Variants in ADORA1 observed in about 807,000 individuals in gnomAD.
ADORA1 encodes the protein adenosine A1 receptor, also known as adenosine receptor A1.
In ADORA1, 6 loss-of-function variants were observed where a neutral mutation model predicts 19.9. The observed-to-expected ratio is 0.30, with a 90% confidence interval of 0.17 to 0.59. The LOEUF (loss-of-function observed/expected upper bound fraction) is 0.59, where lower values mean the gene tolerates loss of function less well. Among genes scored for constraint, ADORA1 ranks in the 20% least tolerant of loss-of-function variants. The pLI is 0.87. For synonymous variants in ADORA1, 194 were observed against 188.4 expected, an observed-to-expected ratio of 1.03 and a Z score of -0.24; for missense variants, 302 against 439.2, an observed-to-expected ratio of 0.69 and a Z score of 2.79.
intron 3 of ADORA1, among the ~76,000 whole-genome samples, chr1:203,144,271 C>A: frequency 6.6e-6 from 1 of 152,248 alleles, no homozygotes; most frequent in Middle Eastern, 3.4e-3. Flanking sequence ...ATTGCACTGG[C>A]GTGTGAGCAA....
intron 3 of ADORA1, among the ~76,000 whole-genome samples, chr1:203,135,316 A>T (rs1037555542): frequency 1.3e-5 from 2 of 152,172 alleles, no homozygotes; most frequent in Non-Finnish European, 2.9e-5. Context: ...TGTTATGAAA[A>T]ATGCTTTACT....
intron 3 of ADORA1, among the ~76,000 whole-genome samples, chr1:203,132,286 GT>G: frequency 6.6e-6 from 1 of 152,142 alleles, no homozygotes; most frequent in African/African-American, 2.4e-5. Context: ...AGCTTTCTTG[GT>G]GGCAATTTGG....
rs141576304 is a variant in ADORA1 at position 203,136,648 on chromosome 1, G to A, written c.341+7466G>A. Reference sequence around the variant, plus strand: ...AACTCTCACCCCACCTGTGGTGGGAGTGGGGATGGCAGGAGACTGGCAGCT... The same window carrying A: ...AACTCTCACCCCACCTGTGGTGGGAATGGGGATGGCAGGAGACTGGCAGCT... On this transcript the variant is annotated intron_variant, in intron 3 of 3. Coordinates refer to ENST00000337894, the MANE Select transcript of ADORA1 (RefSeq NM_000674.3). 3.9e-5 allele frequency among the ~76,000 whole-genome samples: 6 copies of A among 152,282 alleles called. No homozygotes were observed. The East Asian group carries it at 1.2e-3, about 29-fold the overall frequency.
intron 3 of ADORA1, among the ~76,000 whole-genome samples, chr1:203,158,067 AAC>A (rs766005374): frequency 2.6e-5 from 4 of 152,294 alleles, no homozygotes; most frequent in South Asian, 4.1e-4. Flanking sequence ...TTCTCTCCTG[AAC>A]ACACTTTTTA....
At chr1:203,146,191 A>G (rs1452669971) in intron 3 of ADORA1, among the ~76,000 whole-genome samples, 2 of 152,164 alleles carry the variant, frequency 1.3e-5, no homozygotes, top group African/African-American at 4.8e-5. Context: ...CATGTTGGGC[A>G]TCTCCTCAAT....
At chr1:203,135,206 G>A (rs1558127530) in intron 3 of ADORA1, among the ~76,000 whole-genome samples, 1 of 152,128 alleles carries the variant, frequency 6.6e-6, no homozygotes, top group Non-Finnish European at 1.5e-5. Context: ...CACAGAGCAG[G>A]CATGCCGGAA....
At chr1:203,153,732 A>G (rs574040973) in intron 3 of ADORA1, among the ~76,000 whole-genome samples, 2 of 152,238 alleles carry the variant, frequency 1.3e-5, no homozygotes, top group South Asian at 2.1e-4. Context: ...CCCCTGGGCA[A>G]TGTTACTGTT....
At chr1:203,162,747 A>T (rs1239317993) in intron 3 of ADORA1, among the ~76,000 whole-genome samples, 1 of 152,130 alleles carries the variant, frequency 6.6e-6, no homozygotes, top group Non-Finnish European at 1.5e-5. Flanking sequence ...TAATTTATGA[A>T]ATGGGGATTC....
intron 3 of ADORA1, chr1:203,150,528 C>T: frequency 8.9e-7 from 1 of 1,127,338 alleles, no homozygotes; most frequent in Non-Finnish European, 1.2e-6. Flanking sequence ...ACTGCTGGGT[C>T]CTGGGGTCCT....
At chr1:203,152,103 A>G (rs1226619229) in intron 3 of ADORA1, among the ~76,000 whole-genome samples, 2 of 152,194 alleles carry the variant, frequency 1.3e-5, no homozygotes, top group Non-Finnish European at 2.9e-5. Flanking sequence ...CCCAGAAAAG[A>G]TCTCATTCAA....
chr1:203,136,336 G>A (rs1340129547), intron 3 of ADORA1, among the ~76,000 whole-genome samples: 2 of 151,968 alleles, frequency 1.3e-5, no homozygotes, highest in Non-Finnish European at 1.5e-5. Context: ...CTGGCAAGGG[G>A]CTTCCCTGAC....
intron 3 of ADORA1, among the ~76,000 whole-genome samples, chr1:203,140,524 C>T (rs768742564): frequency 5.3e-5 from 8 of 152,070 alleles, no homozygotes; most frequent in South Asian, 2.1e-4. Context: ...ATGGCAGGGT[C>T]GCTGGTGTCT....
intron 3 of ADORA1, among the ~76,000 whole-genome samples, chr1:203,145,738 TC>T (rs1409927771): frequency 1.3e-5 from 2 of 152,226 alleles, no homozygotes; most frequent in African/African-American, 4.8e-5. Context: ...GTAGCCACCA[TC>T]TCTCTCCAGT....
At chr1:203,147,808 G>T (rs562735822) in intron 3 of ADORA1, among the ~76,000 whole-genome samples, 29 of 152,296 alleles carry the variant, frequency 1.9e-4, no homozygotes, top group Non-Finnish European at 3.1e-4. Flanking sequence ...TACTCTTATA[G>T]TAATTTAGAA....
chr1:203,148,967 G>A (rs1389700466), intron 3 of ADORA1, among the ~76,000 whole-genome samples: 2 of 151,712 alleles, frequency 1.3e-5, no homozygotes, highest in South Asian at 4.2e-4. Flanking sequence ...AACCTCCGCC[G>A]CCCGGGTTCA....
chr1:203,148,863 C>T (rs571464630), intron 3 of ADORA1, among the ~76,000 whole-genome samples: 9 of 152,212 alleles, frequency 5.9e-5, no homozygotes, highest in African/African-American at 1.2e-4. Context: ...CCCCAAGGCC[C>T]GTTACTACTG....
chr1:203,151,582 G>C (rs1016458039), intron 3 of ADORA1, among the ~76,000 whole-genome samples: 2 of 152,172 alleles, frequency 1.3e-5, no homozygotes, highest in African/African-American at 2.4e-5. Flanking sequence ...TGGGCACCTG[G>C]TGCTACTGTT....
At chr1:203,156,691 A>G (rs968362412) in intron 3 of ADORA1, among the ~76,000 whole-genome samples, 1 of 152,232 alleles carries the variant, frequency 6.6e-6, no homozygotes, top group African/African-American at 2.4e-5. Context: ...CTGCTGCTAT[A>G]ATAGAATAGC....
At chr1:203,154,449 A>G (rs1655131841) in intron 3 of ADORA1, among the ~76,000 whole-genome samples, 1 of 152,164 alleles carries the variant, frequency 6.6e-6, no homozygotes. Context: ...ACAAACAGGG[A>G]GAGTGAAGTA....
Sources: gnomAD v4.1 joint callset for allele counts (sites outside exome capture counted in the v4.1 genomes callset) on GRCh38, gnomAD v4.1.1 for gene constraint, MANE v1.5 for transcripts, NCBI Gene and HGNC (gene_info 2026-07-23, HGNC 2026-07-21) for gene names.